The following AQP11 variants were observed in gnomAD, a reference collection of about 807,000 sequenced individuals.
AQP11 encodes the protein aquaporin-11.
Under a neutral mutation model 21.1 loss-of-function variants are expected in AQP11, and 20 were observed. The observed-to-expected ratio is 0.95, with a 90% CI of 0.67 to 1.38. The LOEUF (loss-of-function observed/expected upper bound fraction) is 1.38. Among genes scored for constraint, AQP11 ranks in the 40% most tolerant of loss-of-function variants. The pLI, the probability that AQP11 is intolerant of heterozygous loss-of-function variation, is 0.00. For synonymous variants in AQP11, 167 were observed against 150.1 expected, an observed-to-expected ratio of 1.11 and a Z score of -0.82; for missense variants, 339 against 340.4, an observed-to-expected ratio of 1.00 and a Z score of 0.03.
chr11:77,605,207 T>C (rs1321300187), intron 2 of AQP11, among the ~76,000 whole-genome samples: 2 of 152,128 alleles, frequency 1.3e-5, no homozygotes, highest in Non-Finnish European at 2.9e-5. Flanking sequence ...AATCCGTTTT[T>C]AAATTTTAAA....
chr11:77,603,293 G>T (rs750926934), intron 1 of AQP11, among the ~76,000 whole-genome samples: 10 of 152,158 alleles, frequency 6.6e-5, no homozygotes, highest in Non-Finnish European at 1.5e-4. Flanking sequence ...TAATAATAGA[G>T]CACATTAACT....
At position 77,590,208 on chromosome 11, in the gene AQP11, C is replaced by G. The variant is rs112739865; in HGVS notation, c.216C>G (p.Pro72=). ...HELQLLSEQH[P]AHPTWTLTLV... is the part of the protein sequence containing the mutation. Reference sequence around the variant, plus strand: ...TGCAACTGCTGAGCGAACAGCACCCCGCGCACCCCACCTGGACGCTGACGC... The same window carrying G: ...TGCAACTGCTGAGCGAACAGCACCCGGCGCACCCCACCTGGACGCTGACGC... The change falls in exon 1 of 3, where the codon CCC becomes CCG. Residue 72 remains proline, a synonymous_variant. Transcript: ENST00000313578. 6.3e-7 allele frequency: 1 copy of G among 1,594,326 alleles called. No homozygotes were observed. The highest frequency in any genetic ancestry group is 1.1e-5 in the South Asian group (1 of 87,488).
intron 1 of AQP11, among the ~76,000 whole-genome samples, chr11:77,595,303 T>G (rs1243803107): frequency 6.6e-6 from 1 of 151,986 alleles, no homozygotes; most frequent in Non-Finnish European, 1.5e-5. Context: ...GTCGTGCCAT[T>G]GCACTCCAGC....
Position 77,590,595 on chromosome 11 carries a change from C to T in AQP11, c.603C>T (p.Thr201=). 2 of 1,613,746 alleles carry T rather than the reference C, an allele frequency of 1.2e-6. No homozygotes were observed. The highest frequency in any genetic ancestry group is 1.7e-6 in the Non-Finnish European group (2 of 1,179,840). ...TCCACCTGCTGGCTGCACTCATCACCTTTTTGGTCTATGCAGGTTTGTCAT... is the reference window on the plus strand; with the variant it reads ...TCCACCTGCTGGCTGCACTCATCACTTTTTTGGTCTATGCAGGTTTGTCAT... ...LRIHLLAALI[T]FLVYAGGSLT... Residue 201 remains threonine, a synonymous_variant, in exon 1 of 3, where the codon ACC becomes ACT. Coordinates refer to ENST00000313578, the MANE Select transcript of AQP11 (RefSeq NM_173039.3).
At chr11:77,604,560 CTT>C (rs1159807484) in intron 2 of AQP11, among the ~76,000 whole-genome samples, 1 of 152,170 alleles carries the variant, frequency 6.6e-6, no homozygotes, top group Non-Finnish European at 1.5e-5. Context: ...ATTCACTCTT[CTT>C]TTTATCCAGT....
intron 1 of AQP11, among the ~76,000 whole-genome samples, chr11:77,595,208 G>A (rs750140278): frequency 5.9e-5 from 9 of 152,044 alleles, no homozygotes; most frequent in Admixed American, 2.6e-4. Context: ...GGGCATGCTT[G>A]CGCATGCCTG....
At chr11:77,594,774 C>T (rs1005750249) in intron 1 of AQP11, among the ~76,000 whole-genome samples, 1 of 152,024 alleles carries the variant, frequency 6.6e-6, no homozygotes, top group Non-Finnish European at 1.5e-5. Flanking sequence ...CTAAGGATAG[C>T]CAGTGACCAA....
rs78699301 is a variant in AQP11 at position 77,600,125 on chromosome 11, A to T, written c.620-3431A>T. 2.2e-4 allele frequency among the ~76,000 whole-genome samples: 28 copies of T among 129,686 alleles called. No homozygotes were observed. In the East Asian group the frequency reaches 4.3e-3, roughly 20 times the overall value. The allele number at this position is 129,686 out of a possible 152,430, so 85.1% of individuals were successfully genotyped here. On this transcript the variant is annotated intron_variant, in intron 1 of 2. Coordinates refer to ENST00000313578, the MANE Select transcript of AQP11 (RefSeq NM_173039.3). ...CAGGTGCACGCCACCATGCCCAGCT[A>T]TTTTTTTTTTTTTTTTGTATTTTAG...
At chr11:77,600,617 T>G (rs1009748555) in intron 1 of AQP11, among the ~76,000 whole-genome samples, 1 of 152,216 alleles carries the variant, frequency 6.6e-6, no homozygotes, top group Non-Finnish European at 1.5e-5. Flanking sequence ...TCTCTCATTA[T>G]TTCAAAACAC....
chr11:77,598,865 C>A (rs1486006238), intron 1 of AQP11, among the ~76,000 whole-genome samples: 1 of 152,034 alleles, frequency 6.6e-6, no homozygotes. Flanking sequence ...AAGGTGTCTG[C>A]CACCACACCT....
At chr11:77,603,522 C>A in intron 1 of AQP11, 34 bp from the exon 2 acceptor site, 1 of 1,401,224 alleles carries the variant, frequency 7.1e-7, no homozygotes, top group Non-Finnish European at 9.8e-7. Context: ...GAAGATAAAT[C>A]ATTTGAAATC....
At chr11:77,606,117 G>T (rs903280661) in intron 2 of AQP11, among the ~76,000 whole-genome samples, 1 of 150,368 alleles carries the variant, frequency 6.7e-6, no homozygotes, top group Non-Finnish European at 1.5e-5. Flanking sequence ...AGATAGAACT[G>T]CTTGAGGCCA....
intron 2 of AQP11, among the ~76,000 whole-genome samples, chr11:77,606,189 A>G (rs961397537): frequency 3.3e-5 from 5 of 152,134 alleles, no homozygotes; most frequent in Non-Finnish European, 7.3e-5. Flanking sequence ...ATTTTTTTAA[A>G]AAGGGTCTTT....
chr11:77,598,617 G>A (rs1314582461), intron 1 of AQP11, among the ~76,000 whole-genome samples: 1 of 152,174 alleles, frequency 6.6e-6, no homozygotes, highest in Non-Finnish European at 1.5e-5. Flanking sequence ...ATGCCTCCAT[G>A]CCTGTTTCCT....
intron 1 of AQP11, among the ~76,000 whole-genome samples, chr11:77,602,071 A>G (rs1958818571): frequency 6.6e-6 from 1 of 152,244 alleles, no homozygotes; most frequent in African/African-American, 2.4e-5. Context: ...TGGGAGAAGC[A>G]GCTACCACTA....
chr11:77,609,067 T>C (rs1315324939), intron 2 of AQP11, among the ~76,000 whole-genome samples: 2 of 152,202 alleles, frequency 1.3e-5, no homozygotes, highest in Non-Finnish European at 2.9e-5. Context: ...GATTCACAGT[T>C]GAAGAAAAAA....
At chr11:77,593,895 TATG>T (rs949214972) in intron 1 of AQP11, among the ~76,000 whole-genome samples, 1 of 152,192 alleles carries the variant, frequency 6.6e-6, no homozygotes, top group African/African-American at 2.4e-5. Flanking sequence ...GGAATGAAGT[TATG>T]ATGTATACTA....
At chr11:77,590,639 A>C (rs780427654) in intron 1 of AQP11, 28 bp downstream of exon 1, 1 of 1,593,966 alleles carries the variant, frequency 6.3e-7, no homozygotes, top group Non-Finnish European at 8.5e-7. Context: ...AATACTTGGC[A>C]CTTCCAGAGC....
chr11:77,598,024 C>T (rs538582247), intron 1 of AQP11, among the ~76,000 whole-genome samples: 3 of 152,254 alleles, frequency 2.0e-5, no homozygotes, highest in East Asian at 3.9e-4. Flanking sequence ...CAGGCGTGAG[C>T]CACCACGTCT....
Sources: allele counts gnomAD v4.1 joint callset (sites outside exome capture counted in the v4.1 genomes callset), GRCh38; gene constraint gnomAD v4.1.1; transcripts MANE v1.5; gene names NCBI Gene and HGNC (gene_info 2026-07-23, HGNC 2026-07-21).